Variants in REV3L observed in about 807,000 individuals in gnomAD.
The protein encoded by REV3L is DNA polymerase zeta catalytic subunit.
In REV3L, 69 loss-of-function variants were observed where a neutral mutation model predicts 299.4. The observed-to-expected ratio is 0.23, with a 90% CI of 0.19 to 0.28. REV3L has a LOEUF of 0.28. Among genes scored for constraint, REV3L ranks in the 10% least tolerant of loss-of-function variants. REV3L has a pLI of 1.00. For synonymous variants in REV3L, 1,238 were observed against 1,271.4 expected (o/e 0.97, Z 0.56); for missense variants, 3,128 against 3,693.8 (o/e 0.85, Z 3.97).
Position 111,373,466 on chromosome 6 carries a change from T to A in REV3L, c.4889A>T (p.Glu1630Val). 6.2e-7 allele frequency: 1 copy of A among 1,613,734 alleles called. No individual in the cohort carries two copies. The highest frequency in any genetic ancestry group is 8.5e-7 in the Non-Finnish European group (1 of 1,179,900). ...SPIFFSDPGF[E>V]SCYSLEDSLS... ...ACTATCTTCAAGTGAGTAACAACTT[T>A]CAAAGCCTGGATCTGAAAAAAAGAT... is the stretch of plus-strand genomic sequence containing the variant. Residue 1630 changes from glutamate to valine, a missense_variant, in exon 13 of 32, where the codon GAA (glutamate) becomes GTA (valine). By Grantham distance (121) the Glu-to-Val change is moderately radical (BLOSUM62 -2). Transcript: ENST00000368802.
chr6:111,345,922 G>A (rs1776978969), intron 20 of REV3L, among the ~76,000 whole-genome samples: 1 of 151,950 alleles, frequency 6.6e-6, no homozygotes. Flanking sequence ...ATGTGGCCCA[G>A]TGTTTATATT....
intron 13 of REV3L, among the ~76,000 whole-genome samples, chr6:111,371,978 C>A (rs1414283711): frequency 1.3e-5 from 2 of 152,180 alleles, no homozygotes; most frequent in Non-Finnish European, 2.9e-5. Flanking sequence ...AGGTGCACAC[C>A]ACCATACCCA....
chr6:111,471,038 G>C (rs180866773), intron 1 of REV3L, among the ~76,000 whole-genome samples: 95 of 152,084 alleles, frequency 6.2e-4, no homozygotes, highest in African/African-American at 2.2e-3. Flanking sequence ...ACAAAACCTA[G>C]GAATGTATGT....
At chr6:111,358,696 A>AC (rs1778343237) in intron 17 of REV3L, 126 bp downstream of exon 17, 1 of 671,660 alleles carries the variant, frequency 1.5e-6, no homozygotes, top group Admixed American at 2.9e-5. Context: ...TCCTACCCCT[A>AC]CCTCAGCAAA....
chr6:111,425,348 C>A lies in REV3L; in HGVS notation c.140-8876G>T, dbSNP rs371551901. 4.6e-5 allele frequency among the ~76,000 whole-genome samples: 7 copies of A among 152,102 alleles called. No individual in the cohort carries two copies. The South Asian group carries it at 1.5e-3, about 32-fold the overall frequency. On this transcript the variant is annotated intron_variant, in intron 1 of 31. Coordinates refer to ENST00000368802, the MANE Select transcript of REV3L (RefSeq NM_001372078.1). ...GTGGCGGGCACCTGTAGTCCCAGCT[C>A]CTCGGGAGGCTGAGGCAGAAGAATG...
At position 111,303,687 on chromosome 6, in the gene REV3L, TTAACAGACTATGAC is replaced by T. The variant is rs1167887384; in HGVS notation, c.9253-3545_9253-3532del. On this transcript the variant is annotated intron_variant, in intron 31 of 31. Transcript: ENST00000368802. ...CAGCCGAGGCTTTTTTTTTTTTTTT[TTAACAGACTATGAC>T]TTTTTTTTTTTTTTTTTTTTTTTTT... 2.2e-4 allele frequency among the ~76,000 whole-genome samples: 18 copies of T among 81,468 alleles called. 4 individuals are homozygous for T. The highest frequency in any genetic ancestry group is 7.4e-4 in the East Asian group (2 of 2,714). 53.4% of individuals were successfully genotyped at this position (81,468 alleles called of 152,430 possible).
intron 11 of REV3L, among the ~76,000 whole-genome samples, chr6:111,379,018 ATCTC>A (rs1170525835): frequency 2.0e-5 from 3 of 152,112 alleles, no homozygotes; most frequent in African/African-American, 4.8e-5. Flanking sequence ...CTACTATTCA[ATCTC>A]TCTCTAATAT....
In REV3L at chr6:111,374,447, T is replaced by C. The variant is rs748905866; in HGVS notation, c.3908A>G (p.Lys1303Arg). ...SGCFSSFLES[K>R]KSVDLQTFPS... ...GAATGTCTGCAAATCTACAGACTTCTTGCTTTCTAAGAAAGAAGAAAAGCA... is the reference window on the plus strand; with the variant it reads ...GAATGTCTGCAAATCTACAGACTTCCTGCTTTCTAAGAAAGAAGAAAAGCA... Residue 1303 changes from lysine (K) to arginine (R), a missense_variant, in exon 13 of 32, where the codon AAG becomes AGG. By Grantham distance (26) the Lys-to-Arg change is conservative. This residue lies in a region of REV3L where 2,409 missense variants were observed against 2,611.8 expected (regional missense o/e 0.92). Coordinates refer to ENST00000368802, the MANE Select transcript of REV3L (RefSeq NM_001372078.1). 7 of 1,613,950 alleles carry C rather than the reference T, an allele frequency of 4.3e-6. No homozygotes were observed. The highest frequency in any genetic ancestry group is 2.2e-5 in the East Asian group (1 of 44,878).
intron 19 of REV3L, 22 bp from the exon 20 acceptor site, chr6:111,349,358 G>GT (rs773714905): frequency 8.3e-7 from 1 of 1,198,814 alleles, no homozygotes; most frequent in Non-Finnish European, 1.2e-6. Context: ...AAAACAGACT[G>GT]TATCAGGGCT....
intron 15 of REV3L, among the ~76,000 whole-genome samples, chr6:111,364,485 T>C (rs932810324): frequency 4.0e-5 from 6 of 151,754 alleles, no homozygotes; most frequent in Non-Finnish European, 8.8e-5. Flanking sequence ...ACAAAATTAT[T>C]TTTTCTGATT....
intron 1 of REV3L, among the ~76,000 whole-genome samples, chr6:111,423,981 A>C (rs1785874378): frequency 6.6e-6 from 1 of 152,222 alleles, no homozygotes; most frequent in East Asian, 1.9e-4. Context: ...TATGGAGCTT[A>C]AGAAAGAGAT....
At chr6:111,410,360 T>A (rs9400472) in intron 3 of REV3L, among the ~76,000 whole-genome samples, 7 of 152,306 alleles carry the variant, frequency 4.6e-5, no homozygotes, top group Middle Eastern at 3.4e-3. Flanking sequence ...AGGAAAAAAA[T>A]TGATTGTATT....
intron 1 of REV3L, among the ~76,000 whole-genome samples, chr6:111,474,948 T>C (rs1792731095): frequency 6.6e-6 from 1 of 150,408 alleles, no homozygotes; most frequent in South Asian, 2.1e-4. Context: ...GACTCTCCCG[T>C]ATCCTCCCAT....
Position 111,375,663 on chromosome 6 carries a change from G to C in REV3L, c.2692C>G (p.His898Asp). ...KTPTDGFIDC[H>D]FGDGTLETEQ... The stretch of plus-strand genomic sequence containing the variant: ...GTTTCTAACGTTCCATCTCCAAAGT[G>C]ACAGTCTATAAAACCATCTGTGGGT... Residue 898 changes from histidine to aspartate, a missense_variant, in exon 13 of 32, where the codon CAC becomes GAC. Transcript: ENST00000368802. 1.2e-6 allele frequency: 2 copies of C among 1,613,934 alleles called. No homozygotes were observed. Among genetic ancestry groups the C allele is most frequent in the Admixed American group, 3.3e-5 (2 of 60,018 alleles).
chr6:111,450,508 C>CAAAAAAAAAAAAAAAAAAAAAAAAAAA (rs1789400781), intron 1 of REV3L, among the ~76,000 whole-genome samples: 2 of 94,282 alleles, frequency 2.1e-5, no homozygotes, highest in Admixed American at 1.1e-4. Context: ...AAAAAAAAAC[C>CAAAAAAAAAAAAAAAAAAAAAAAAAAA]AAAAAACATT....
Position 111,387,213 on chromosome 6 carries a change from T to C in REV3L, c.1096+552A>G, listed in dbSNP as rs191952228. On this transcript the variant is annotated intron_variant, in intron 9 of 31. Transcript: ENST00000368802. ...ATATTGTATGGTTTCACTTACATAA[T>C]ATACAGTATCTAGACAAGGCCCATG... Among the ~76,000 whole-genome samples the C allele has an allele frequency of 8.5e-5, 13 of 152,314 alleles. No individual in the cohort carries two copies. In the East Asian group the frequency reaches 2.5e-3, roughly 29 times the overall value.
At chr6:111,313,284 G>C (rs1187275335) in intron 28 of REV3L, 68 bp downstream of exon 28, 2 of 1,454,580 alleles carry the variant, frequency 1.4e-6, no homozygotes. Context: ...TTTAAGGGTA[G>C]TTACATTTTC....
At chr6:111,393,519 T>C (rs879753574) in intron 4 of REV3L, among the ~76,000 whole-genome samples, 7 of 152,174 alleles carry the variant, frequency 4.6e-5, no homozygotes, top group African/African-American at 7.2e-5. Context: ...AAATCTTCTC[T>C]TCTAGTTATT....
chr6:111,476,405 C>T (rs1792948511), intron 1 of REV3L, among the ~76,000 whole-genome samples: 1 of 152,184 alleles, frequency 6.6e-6, no homozygotes, highest in Admixed American at 6.5e-5. Flanking sequence ...AATCCTCCCA[C>T]CTTAGCCTCC....
Sources: allele counts gnomAD v4.1 joint callset (sites outside exome capture counted in the v4.1 genomes callset), GRCh38; gene constraint gnomAD v4.1.1; regional missense constraint gnomAD v4.1.1; transcripts MANE v1.5; gene names NCBI Gene and HGNC (gene_info 2026-07-23, HGNC 2026-07-21).